Variants in ADGRL3 observed in about 807,000 individuals in gnomAD.
ADGRL3 encodes the protein adhesion G protein-coupled receptor L3, also known as calcium-independent alpha-latrotoxin receptor 3.
ADGRL3 carries 62 observed loss-of-function variants against 153.5 expected under a neutral mutation model. That is an observed-to-expected ratio of 0.40 (90% CI 0.33 to 0.50). The LOEUF (loss-of-function observed/expected upper bound fraction) is 0.50. Ranked by LOEUF, ADGRL3 falls within the 20% of genes least tolerant of loss-of-function variation. The pLI is 0.47. For missense variants in ADGRL3, 1,641 were observed against 1,859.4 expected, an observed-to-expected ratio of 0.88 and a Z score of 2.16; for synonymous variants, 710 against 672.5, an observed-to-expected ratio of 1.06 and a Z score of -0.86.
At chr4:61,607,067 A>T (rs1472171274) in intron 5 of ADGRL3, among the ~76,000 whole-genome samples, 2 of 152,192 alleles carry the variant, frequency 1.3e-5, no homozygotes, top group African/African-American at 4.8e-5. Context: ...GTTATTACTC[A>T]AATCAGTCTC....
chr4:61,797,459 T>C (rs2097428663), intron 8 of ADGRL3, among the ~76,000 whole-genome samples: 1 of 152,176 alleles, frequency 6.6e-6, no homozygotes, highest in African/African-American at 2.4e-5. Context: ...AACTGAGACT[T>C]GGTTTCCTCT....
chr4:61,221,126 T>G (rs1383674103), intron 1 of ADGRL3, among the ~76,000 whole-genome samples: 1 of 152,170 alleles, frequency 6.6e-6, no homozygotes, highest in Non-Finnish European at 1.5e-5. Flanking sequence ...CTCAGAGACC[T>G]TTATCCTAAG....
At chr4:61,241,100 A>G (rs1165911952) in intron 1 of ADGRL3, among the ~76,000 whole-genome samples, 1 of 152,076 alleles carries the variant, frequency 6.6e-6, no homozygotes, top group Non-Finnish European at 1.5e-5. Context: ...CATACATATA[A>G]AACATTGTGC....
rs538204871 is a variant in ADGRL3 at position 61,758,182 on chromosome 4, A to T, written c.1399+24628A>T. Among the ~76,000 whole-genome samples, 109 of 152,192 alleles carry T rather than the reference A, an allele frequency of 7.2e-4. 1 individual carries two copies. The highest frequency in any genetic ancestry group is 2.0e-3 in the Admixed American group (31 of 15,270). Reference sequence around the variant, plus strand: ...TGGAAATCCCTGTTAACCTGATTCAATTCCTGGATATCCCTGGACAATCCC... The same window carrying T: ...TGGAAATCCCTGTTAACCTGATTCATTTCCTGGATATCCCTGGACAATCCC... On this transcript the variant is annotated intron_variant, in intron 8 of 26. Transcript: ENST00000683033.
At chr4:61,380,549 G>T (rs554246111) in intron 1 of ADGRL3, among the ~76,000 whole-genome samples, 4 of 151,788 alleles carry the variant, frequency 2.6e-5, no homozygotes, top group Non-Finnish European at 5.9e-5. Flanking sequence ...TTGATTTAAA[G>T]CAAAAATTAA....
intron 9 of ADGRL3, among the ~76,000 whole-genome samples, chr4:61,871,625 A>C (rs145943698): frequency 6.6e-6 from 1 of 152,332 alleles, no homozygotes; most frequent in Non-Finnish European, 1.5e-5. Flanking sequence ...GTTGGGGAAC[A>C]TGGGGAATGA....
intron 5 of ADGRL3, among the ~76,000 whole-genome samples, chr4:61,659,932 G>T (rs1213799795): frequency 6.6e-6 from 1 of 150,700 alleles, no homozygotes; most frequent in Admixed American, 6.6e-5. Flanking sequence ...AGTGAAGCTG[G>T]TTAAGAAGGG....
chr4:62,074,366 C>T lies in ADGRL3; in HGVS notation c.*3458C>T, dbSNP rs561468858. ...TGTTTTTCCTCTTTGAAATCTAGTT[C>T]ACATGACACTTTATCAGGGACACTA... On this transcript the variant is annotated 3_prime_UTR_variant, in exon 27 of 27. Transcript: ENST00000683033. The T allele has an allele frequency of 6.6e-6, 1 of 152,070 alleles. No individual in the cohort carries two copies. The highest frequency in any genetic ancestry group is 1.5e-5 in the Non-Finnish European group (1 of 67,996). The allele number at this position is 152,070 out of a possible 1,614,324, so 9.4% of individuals were successfully genotyped here. A position where few individuals can be genotyped will look rare whatever the true frequency, so the allele number is the denominator to read the frequency against.
chr4:61,744,465 C>A (rs2096626786), intron 8 of ADGRL3, among the ~76,000 whole-genome samples: 1 of 151,728 alleles, frequency 6.6e-6, no homozygotes, highest in Admixed American at 6.6e-5. Flanking sequence ...AGGCACCCCC[C>A]AGTAGGGGCA....
At chr4:62,069,063 C>T (rs763704528) in intron 26 of ADGRL3, among the ~76,000 whole-genome samples, 20 of 151,946 alleles carry the variant, frequency 1.3e-4, no homozygotes, top group Non-Finnish European at 2.6e-4. Flanking sequence ...TGTGTTTTTT[C>T]ATTTTGTGGT....
At chr4:61,338,965 A>G (rs889967028) in intron 1 of ADGRL3, among the ~76,000 whole-genome samples, 2 of 152,216 alleles carry the variant, frequency 1.3e-5, no homozygotes, top group Admixed American at 6.5e-5. Context: ...TGTTTTACAC[A>G]TGAAAAGTAA....
chr4:61,914,971 T>G (rs2098738461), intron 13 of ADGRL3, among the ~76,000 whole-genome samples: 1 of 152,064 alleles, frequency 6.6e-6, no homozygotes, highest in Non-Finnish European at 1.5e-5. Context: ...ATTAGAAACT[T>G]AAAAACCAGA....
intron 21 of ADGRL3, among the ~76,000 whole-genome samples, chr4:62,019,679 A>G (rs1423273687): frequency 6.6e-6 from 1 of 152,150 alleles, no homozygotes; most frequent in African/African-American, 2.4e-5. Context: ...TAAGTAATTA[A>G]TCAGGTCTGC....
chr4:62,065,166 A>G (rs1182376351), intron 25 of ADGRL3, among the ~76,000 whole-genome samples: 3 of 152,026 alleles, frequency 2.0e-5, no homozygotes, highest in Non-Finnish European at 4.4e-5. Context: ...TGGTCTTTAG[A>G]GCAAAGAAGA....
chr4:62,060,293 G>A (rs1016824708), intron 25 of ADGRL3, among the ~76,000 whole-genome samples: 46 of 151,912 alleles, frequency 3.0e-4, no homozygotes, highest in Non-Finnish European at 5.9e-5. Flanking sequence ...AAGAAGAGTG[G>A]CGTGCAATCT....
chr4:61,432,298 T>G (rs2097364707), intron 2 of ADGRL3, among the ~76,000 whole-genome samples: 1 of 152,194 alleles, frequency 6.6e-6, no homozygotes, highest in South Asian at 2.1e-4. Context: ...TTCATACTCA[T>G]CAATTTTTAG....
At position 61,727,020 on chromosome 4, in the gene ADGRL3, A is replaced by T. The variant is rs78798341; in HGVS notation, c.584-3602A>T. ...TCTCTCTATTTTGTGATGTAATTTT[A>T]AAAAACTTGGCAGTACATACCTATG... On this transcript the variant is annotated intron_variant, in intron 6 of 26. Coordinates refer to ENST00000683033, the MANE Select transcript of ADGRL3 (RefSeq NM_001387552.1). Among the ~76,000 whole-genome samples the T allele has an allele frequency of 9.1e-3, 1,390 of 152,298 alleles. 29 individuals carry two copies. Among genetic ancestry groups the T allele is most frequent in the African/African-American group, 0.032 (1,317 of 41,570 alleles).
chr4:62,069,406 A>T (rs942850445), intron 26 of ADGRL3, among the ~76,000 whole-genome samples: 2 of 152,246 alleles, frequency 1.3e-5, no homozygotes, highest in Non-Finnish European at 2.9e-5. Context: ...AGCAGAAAAA[A>T]AAATTAGAAA....
At chr4:62,044,948 G>A (rs922000135) in intron 25 of ADGRL3, among the ~76,000 whole-genome samples, 2 of 152,034 alleles carry the variant, frequency 1.3e-5, no homozygotes, top group East Asian at 1.9e-4. Flanking sequence ...AAAGTATACT[G>A]TCTAATACAT....
Sources: gnomAD v4.1 joint callset for allele counts (sites outside exome capture counted in the v4.1 genomes callset) on GRCh38, gnomAD v4.1.1 for gene constraint, MANE v1.5 for transcripts, NCBI Gene and HGNC (gene_info 2026-07-23, HGNC 2026-07-21) for gene names.